The following RNFT2 variants were observed in gnomAD, a reference collection of about 807,000 sequenced individuals.
RNFT2 encodes the protein E3 ubiquitin-protein ligase RNFT2.
In RNFT2, 36 loss-of-function variants were observed where a neutral mutation model predicts 53.0. That is an observed-to-expected ratio of 0.68 (90% confidence interval 0.52 to 0.90). The LOEUF is 0.90. Ranked by LOEUF, RNFT2 falls within the 40% of genes least tolerant of loss-of-function variation. RNFT2 has a pLI of 0.00. For synonymous variants in RNFT2, 260 were observed against 253.2 expected (o/e 1.03, Z -0.26); for missense variants, 514 against 585.6 (o/e 0.88, Z 1.26).
chr12:116,755,762 T>C (rs1872480670), intron 5 of RNFT2: 1 of 1,492,988 alleles, frequency 6.7e-7, no homozygotes. Flanking sequence ...GTCTACGATA[T>C]CACCTTTCTT....
At chr12:116,826,206 C>G (rs1011073118) in intron 7 of RNFT2, among the ~76,000 whole-genome samples, 3 of 152,164 alleles carry the variant, frequency 2.0e-5, no homozygotes, top group African/African-American at 7.2e-5. Context: ...AGCCAGCCCT[C>G]TGTTGTTTCG....
intron 8 of RNFT2, 115 bp from the exon 9 acceptor site, chr12:116,835,844 TA>T: frequency 9.5e-7 from 1 of 1,051,310 alleles, no homozygotes; most frequent in Non-Finnish European, 1.5e-6. Flanking sequence ...AGAGGAGCCC[TA>T]AAAATGTTCT....
intron 1 of RNFT2, among the ~76,000 whole-genome samples, chr12:116,739,365 G>A (rs568247332): frequency 4.3e-4 from 65 of 152,324 alleles, no homozygotes; most frequent in African/African-American, 1.5e-3. Flanking sequence ...GCGCCACTCT[G>A]TGCCAAACAG....
intron 7 of RNFT2, among the ~76,000 whole-genome samples, chr12:116,793,632 C>T (rs996478917): frequency 1.3e-5 from 2 of 152,186 alleles, no homozygotes; most frequent in African/African-American, 2.4e-5. Context: ...CCAAAGCACC[C>T]AGCGCCTTCC....
intron 3 of RNFT2, among the ~76,000 whole-genome samples, chr12:116,745,149 C>T (rs1236690650): frequency 6.8e-6 from 1 of 147,320 alleles, no homozygotes; most frequent in Non-Finnish European, 1.5e-5. Context: ...GGAATCCAAT[C>T]GTGAGTTTCC....
intron 7 of RNFT2, among the ~76,000 whole-genome samples, chr12:116,820,466 T>C (rs1875953680): frequency 6.6e-6 from 1 of 152,322 alleles, no homozygotes; most frequent in African/African-American, 2.4e-5. Context: ...TGACCAGTGG[T>C]TACTGGATTG....
At position 116,823,547 on chromosome 12, in the gene RNFT2, C is replaced by T. The variant is rs1039462400; in HGVS notation, c.883-10245C>T. ...AAAAATATGAAAATGAGCTGGGCGC[C>T]GTGGCGCATACCTATAATCCCAGCT... On this transcript the variant is annotated intron_variant, in intron 7 of 10. Transcript: ENST00000257575. Among the ~76,000 whole-genome samples the T allele has an allele frequency of 5.9e-5, 9 of 152,048 alleles. No homozygotes were observed. The East Asian group carries it at 1.4e-3, about 23-fold the overall frequency.
intron 7 of RNFT2, among the ~76,000 whole-genome samples, chr12:116,815,106 G>T (rs764000557): frequency 6.6e-6 from 1 of 152,026 alleles, no homozygotes; most frequent in Non-Finnish European, 1.5e-5. Flanking sequence ...TGATGTAGCC[G>T]GTCCTAGTAG....
rs1010634344 is a variant in RNFT2 at position 116,849,694 on chromosome 12, C to T, written c.*246C>T. ...ACGTCTTCCTAACTCAGACTTGATG[C>T]CCTTCTAGATGCATCTTCCTTCTCC... On this transcript the variant is annotated 3_prime_UTR_variant, in exon 11 of 11. Coordinates refer to ENST00000257575, the MANE Select transcript of RNFT2 (RefSeq NM_001382266.1). 4.1e-5 allele frequency: 51 copies of T among 1,248,930 alleles called. No homozygotes were observed. The highest frequency in any genetic ancestry group is 7.4e-5 in the Admixed American group (2 of 27,206). 77.4% of individuals were successfully genotyped at this position (1,248,930 alleles called of 1,614,324 possible).
intron 10 of RNFT2, among the ~76,000 whole-genome samples, chr12:116,839,726 G>T (rs1468065707): frequency 7.8e-6 from 1 of 127,922 alleles, no homozygotes; most frequent in Non-Finnish European, 1.6e-5. Flanking sequence ...AGATGGGTGG[G>T]TATATAGATG....
At chr12:116,750,893 T>A (rs865979915) in intron 4 of RNFT2, among the ~76,000 whole-genome samples, 24 of 7,570 alleles carry the variant, frequency 3.2e-3, no homozygotes, top group South Asian at 0.011. Context: ...ATATATATAA[T>A]ATATATATAT....
chr12:116,841,201 C>T (rs888984864), intron 10 of RNFT2, among the ~76,000 whole-genome samples: 2 of 152,132 alleles, frequency 1.3e-5, no homozygotes, highest in African/African-American at 4.8e-5. Context: ...CCTATAATCC[C>T]AACACTTTGG....
chr12:116,775,635 T>C (rs1873401092), intron 6 of RNFT2, among the ~76,000 whole-genome samples: 1 of 152,260 alleles, frequency 6.6e-6, no homozygotes, highest in Non-Finnish European at 1.5e-5. Context: ...ATTCTTCCCT[T>C]ATCTGCCTGC....
At chr12:116,757,463 T>C (rs925856325) in intron 5 of RNFT2, among the ~76,000 whole-genome samples, 3 of 152,208 alleles carry the variant, frequency 2.0e-5, no homozygotes, top group Non-Finnish European at 2.9e-5. Flanking sequence ...CATTTAGGGC[T>C]ATGAGCTTTC....
At chr12:116,765,603 T>C (rs1349513164) in intron 5 of RNFT2, among the ~76,000 whole-genome samples, 1 of 152,096 alleles carries the variant, frequency 6.6e-6, no homozygotes, top group Non-Finnish European at 1.5e-5. Flanking sequence ...CCAGGGTACA[T>C]AGGCAGGAAC....
intron 10 of RNFT2, among the ~76,000 whole-genome samples, chr12:116,837,735 CAAAT>C (rs1877052743): frequency 6.6e-6 from 1 of 151,964 alleles, no homozygotes. Context: ...TGATGAAATC[CAAAT>C]AGAGTCTGGA....
At position 116,836,206 on chromosome 12, in the gene RNFT2, A is replaced by C; in HGVS notation, c.1124A>C (p.Gln375Pro). ...SQNYGVRATG[Q>P]QCTEAGDICA... is the part of the protein sequence containing the mutation. Reference sequence around the variant, plus strand: ...AACTATGGAGTCCGAGCCACCGGGCAGCAGTGCACAGAAGCTGGTGACATC... The same window carrying C: ...AACTATGGAGTCCGAGCCACCGGGCCGCAGTGCACAGAAGCTGGTGACATC... The change falls in exon 10 of 11, where the codon CAG (glutamine) becomes CCG (proline). Residue 375 changes from glutamine to proline, a missense_variant. Gln to Pro is a moderately conservative substitution (Grantham distance 76). Transcript: ENST00000257575. The C allele has an allele frequency of 1.3e-6, 2 of 1,595,658 alleles. No homozygotes were observed. The highest frequency in any genetic ancestry group is 1.7e-6 in the Non-Finnish European group (2 of 1,171,076).
At chr12:116,808,817 A>T (rs1370515386) in intron 7 of RNFT2, among the ~76,000 whole-genome samples, 1 of 152,010 alleles carries the variant, frequency 6.6e-6, no homozygotes, top group Non-Finnish European at 1.5e-5. Flanking sequence ...CTGCTATTGA[A>T]ATTCTTGCTC....
intron 3 of RNFT2, among the ~76,000 whole-genome samples, chr12:116,748,394 A>G (rs770691107): frequency 1.3e-5 from 2 of 152,152 alleles, no homozygotes; most frequent in Non-Finnish European, 2.9e-5. Context: ...CTTGCTTGGA[A>G]CTAGAGAAAG....
Sources: gnomAD v4.1 joint callset for allele counts (sites outside exome capture counted in the v4.1 genomes callset) on GRCh38, gnomAD v4.1.1 for gene constraint, MANE v1.5 for transcripts, NCBI Gene and HGNC (gene_info 2026-07-23, HGNC 2026-07-21) for gene names.